Variants in PIGS observed in about 807,000 individuals in gnomAD.
PIGS encodes the protein phosphatidylinositol glycan anchor biosynthesis class S, also known as GPI-anchor transamidase component PIGS.
A neutral mutation model predicts 58.2 loss-of-function variants in PIGS; 37 were observed. That is an observed-to-expected ratio of 0.64 (90% CI 0.49 to 0.84). The LOEUF (loss-of-function observed/expected upper bound fraction) is 0.84. Ranked by LOEUF, PIGS falls within the 40% of genes least tolerant of loss-of-function variation. The pLI is 0.00. For synonymous variants in PIGS, 269 were observed against 289.2 expected, an observed-to-expected ratio of 0.93 and a Z score of 0.71; for missense variants, 629 against 710.8, an observed-to-expected ratio of 0.88 and a Z score of 1.31.
At chr17:28,558,734 C>G in intron 7 of PIGS, 144 bp from the exon 8 acceptor site, 1 of 649,562 alleles carries the variant, frequency 1.5e-6, no homozygotes, top group Middle Eastern at 3.2e-4. Context: ...AAAATAATTG[C>G]AGAAGAAAAT....
intron 6 of PIGS, chr17:28,560,405 A>C: frequency 1.9e-6 from 1 of 517,070 alleles, no homozygotes; most frequent in Middle Eastern, 5.1e-4. Context: ...GCACTTTGGG[A>C]GACTGAGGCA....
chr17:28,566,139 A>G (rs191135734), intron 3 of PIGS, among the ~76,000 whole-genome samples: 1,576 of 151,396 alleles, frequency 0.01, 24 homozygotes, highest in Non-Finnish European at 0.013. Context: ...AGCTTGAGGT[A>G]AGAGGACCAC....
Position 28,568,080 on chromosome 17 carries a change from T to C in PIGS, c.286+2772A>G, listed in dbSNP as rs989007469. Among the ~76,000 whole-genome samples, 3 of 152,128 alleles carry C rather than the reference T, an allele frequency of 2.0e-5. No individual in the cohort carries two copies. In the East Asian group the frequency reaches 5.8e-4, roughly 29 times the overall value. On this transcript the variant is annotated intron_variant, in intron 3 of 11. Coordinates refer to ENST00000308360, the MANE Select transcript of PIGS (RefSeq NM_033198.4). Reference sequence around the variant, plus strand: ...CTGCTCTATTTTTCTTCTGTCACCATCTAACATACATTTGACTTACTTGTC... The same window carrying C: ...CTGCTCTATTTTTCTTCTGTCACCACCTAACATACATTTGACTTACTTGTC...
chr17:28,568,553 G>A (rs559852896), intron 3 of PIGS, among the ~76,000 whole-genome samples: 1 of 152,274 alleles, frequency 6.6e-6, no homozygotes, highest in African/African-American at 2.4e-5. Flanking sequence ...AGGAAACCAA[G>A]GTTTAGAGAA....
At chr17:28,565,457 C>A (rs1007915936) in intron 3 of PIGS, among the ~76,000 whole-genome samples, 2 of 152,174 alleles carry the variant, frequency 1.3e-5, no homozygotes, top group Non-Finnish European at 2.9e-5. Context: ...ACATGTAAGG[C>A]AATCCTGAAG....
intron 3 of PIGS, among the ~76,000 whole-genome samples, chr17:28,567,179 G>A (rs1233055800): frequency 6.6e-6 from 1 of 152,146 alleles, no homozygotes; most frequent in Non-Finnish European, 1.5e-5. Flanking sequence ...CATAATCTTT[G>A]CATCACCCAA....
chr17:28,568,269 ATTTTTGTATT>A (rs980103325), intron 3 of PIGS, among the ~76,000 whole-genome samples: 2 of 151,808 alleles, frequency 1.3e-5, no homozygotes, highest in Non-Finnish European at 2.9e-5. Context: ...CGCCCGGCTA[ATTTTTGTATT>A]TTTAGTAGAG....
intron 5 of PIGS, chr17:28,561,931 A>C: frequency 3.3e-6 from 1 of 306,338 alleles, no homozygotes; most frequent in Non-Finnish European, 6.1e-6. Flanking sequence ...AGAAAAGCGG[A>C]ATAAACAGAC....
intron 9 of PIGS, chr17:28,556,590 A>G (rs1349263856): frequency 2.8e-6 from 2 of 703,872 alleles, no homozygotes; most frequent in Non-Finnish European, 5.0e-6. Context: ...TAAGATGGAC[A>G]CAGAATGATC....
At chr17:28,566,281 T>G (rs546148868) in intron 3 of PIGS, among the ~76,000 whole-genome samples, 99 of 148,720 alleles carry the variant, frequency 6.7e-4, no homozygotes, top group East Asian at 1.4e-3. Flanking sequence ...CTTTTTTTTT[T>G]TTTTTTTGTT....
intron 10 of PIGS, 116 bp from the exon 11 acceptor site, chr17:28,555,177 T>C (rs1276927487): frequency 1.4e-5 from 15 of 1,079,404 alleles, no homozygotes; most frequent in Non-Finnish European, 1.7e-5. Flanking sequence ...CCCAGAACCA[T>C]AGGGGTTAAA....
chr17:28,554,933 G>C lies in PIGS; in HGVS notation c.1310C>G (p.Thr437Arg). The change falls in exon 11 of 12, where the codon ACA (threonine) becomes AGA (arginine). Residue 437 changes from threonine (T) to arginine (R), a missense_variant. Transcript: ENST00000308360. ...CAGGGAGGTAAGGGTGGTGGTGGCT[G>C]TGGCCAGGTTCTCCACTGACCGAGC... Reference protein sequence around the residue: ...LWARSVENLATATTTLTSLAQ... With the variant: ...LWARSVENLARATTTLTSLAQ... 1 of 1,613,844 alleles carries C rather than the reference G, an allele frequency of 6.2e-7. No individual in the cohort carries two copies. Among genetic ancestry groups the C allele is most frequent in the East Asian group, 2.2e-5 (1 of 44,870 alleles).
chr17:28,559,920 A>T, intron 7 of PIGS, 129 bp downstream of exon 7: 3 of 1,211,750 alleles, frequency 2.5e-6, no homozygotes, highest in Non-Finnish European at 3.3e-6. Context: ...CACCCTTATG[A>T]CACTCACATA....
rs1158243868 is a variant in PIGS at position 28,561,760 on chromosome 17, G to A, written c.469-131C>T. On this transcript the variant is annotated intron_variant, in intron 5 of 11. Coordinates refer to ENST00000308360, the MANE Select transcript of PIGS (RefSeq NM_033198.4). ...GGTTTGCACCTCTCTTGAGATTCAT[G>A]AGCTATTAACTCAGCATTTCTGAGC... The A allele has an allele frequency of 4.9e-6, 4 of 814,634 alleles. No individual in the cohort carries two copies. In the East Asian group the frequency reaches 8.1e-5, roughly 16 times the overall value. The allele number at this position is 814,634 out of a possible 1,614,324, so 50.5% of individuals were successfully genotyped here.
intron 5 of PIGS, among the ~76,000 whole-genome samples, chr17:28,561,959 TA>T (rs542535042): frequency 3.7e-4 from 56 of 152,314 alleles, no homozygotes; most frequent in Admixed American, 1.6e-3. Flanking sequence ...GAGTCTGATA[TA>T]AAAATGGCAC....
chr17:28,559,662 C>A (rs2070350811), intron 7 of PIGS, among the ~76,000 whole-genome samples: 1 of 144,620 alleles, frequency 6.9e-6, no homozygotes, highest in African/African-American at 2.6e-5. Context: ...GATCACACCA[C>A]TGCACTCCAG....
At chr17:28,557,118 TAGTAAA>T (rs2070335523) in intron 8 of PIGS, 146 bp from the exon 9 acceptor site, 2 of 821,700 alleles carry the variant, frequency 2.4e-6, no homozygotes, top group Non-Finnish European at 3.8e-6. Context: ...AGGGTGTCTC[TAGTAAA>T]GGGCTTCAGA....
intron 3 of PIGS, among the ~76,000 whole-genome samples, chr17:28,569,941 T>TTAACAACTATCAGCTATCCTTATACTG (rs2070417271): frequency 2.0e-5 from 3 of 152,178 alleles, no homozygotes; most frequent in Non-Finnish European, 4.4e-5. Context: ...TTGCCTGAAA[T>TTAACAACTATCAGCTATCCTTATACTG]TCTCTCCCTC....
intron 8 of PIGS, chr17:28,557,180 C>T: frequency 1.8e-6 from 1 of 566,102 alleles, no homozygotes; most frequent in Non-Finnish European, 3.0e-6. Flanking sequence ...TAGTCCTTAG[C>T]TCCAAAACAC....
Sources: allele counts gnomAD v4.1 joint callset (sites outside exome capture counted in the v4.1 genomes callset), GRCh38; gene constraint gnomAD v4.1.1; transcripts MANE v1.5; gene names NCBI Gene and HGNC (gene_info 2026-07-23, HGNC 2026-07-21).